CNTN4: variants seen among roughly 807,000 people sequenced by gnomAD.
The protein encoded by CNTN4 is contactin-4.
A neutral mutation model predicts 122.5 loss-of-function variants in CNTN4; 77 were observed. That is an observed-to-expected ratio of 0.63 (90% CI 0.52 to 0.76). The LOEUF is 0.76. CNTN4 is among the 30% of genes least tolerant of loss of function. CNTN4 has a pLI of 0.00. For synonymous variants in CNTN4, 512 were observed against 447.0 expected (o/e 1.15, Z -1.83); for missense variants, 1,256 against 1,259.1 (o/e 1.00, Z 0.04).
chr3:3,001,763 A>T (rs1696070572), intron 14 of CNTN4, among the ~76,000 whole-genome samples: 1 of 152,188 alleles, frequency 6.6e-6, no homozygotes, highest in East Asian at 1.9e-4. Flanking sequence ...GTAGATGCAA[A>T]TTGACCATGA....
intron 7 of CNTN4, among the ~76,000 whole-genome samples, chr3:2,853,370 A>G (rs6807900): frequency 0.019 from 2,921 of 152,096 alleles, 87 homozygotes; most frequent in African/African-American, 0.066. Flanking sequence ...TCAGCCTCCC[A>G]AGTAGCTGAG....
intron 4 of CNTN4, among the ~76,000 whole-genome samples, chr3:2,718,567 A>T (rs2087645522): frequency 6.6e-6 from 1 of 152,186 alleles, no homozygotes; most frequent in Non-Finnish European, 1.5e-5. Context: ...TAATGTTTTT[A>T]TGGCTTCTAA....
intron 2 of CNTN4, among the ~76,000 whole-genome samples, chr3:2,222,113 G>A (rs1340477682): frequency 6.6e-6 from 1 of 152,134 alleles, no homozygotes; most frequent in Non-Finnish European, 1.5e-5. Context: ...GTTTATAACA[G>A]CATGATTCAT....
intron 3 of CNTN4, among the ~76,000 whole-genome samples, chr3:2,425,498 G>T (rs1019227288): frequency 3.3e-5 from 5 of 152,158 alleles, no homozygotes; most frequent in African/African-American, 1.2e-4. Context: ...TTGAAGTCAG[G>T]TAGCGTGATG....
At chr3:2,150,548 C>T (rs564995894) in intron 2 of CNTN4, among the ~76,000 whole-genome samples, 15 of 152,286 alleles carry the variant, frequency 9.8e-5, no homozygotes, top group African/African-American at 3.4e-4. Context: ...AGATCCTCCC[C>T]TGGGGATTCT....
intron 4 of CNTN4, among the ~76,000 whole-genome samples, chr3:2,585,987 TAAAC>T (rs1414089786): frequency 6.6e-6 from 1 of 152,154 alleles, no homozygotes; most frequent in Non-Finnish European, 1.5e-5. Context: ...AATAAATGCT[TAAAC>T]AAGATAATTA....
chr3:2,247,842 A>G (rs1420852858), intron 2 of CNTN4, among the ~76,000 whole-genome samples: 7 of 151,996 alleles, frequency 4.6e-5, no homozygotes, highest in African/African-American at 9.7e-5. Flanking sequence ...AAAGTCATCA[A>G]AGAACTTTCG....
At chr3:2,785,146 TAG>T (rs111372866) in intron 6 of CNTN4, among the ~76,000 whole-genome samples, 5,877 of 150,912 alleles carry the variant, frequency 0.039, 379 homozygotes, top group African/African-American at 0.13. Flanking sequence ...CACATATATA[TAG>T]AGAGAGAGAG....
intron 3 of CNTN4, among the ~76,000 whole-genome samples, chr3:2,490,214 G>A (rs1161503699): frequency 1.3e-5 from 2 of 152,156 alleles, no homozygotes; most frequent in African/African-American, 2.4e-5. Context: ...CCCTTGAAAG[G>A]CACACGCTCA....
At chr3:2,819,448 TA>T (rs2092814311) in intron 6 of CNTN4, 37 bp from the exon 7 acceptor site, 4 of 1,501,442 alleles carry the variant, frequency 2.7e-6, no homozygotes, top group Non-Finnish European at 3.7e-6. Flanking sequence ...CTTAGGACTT[TA>T]AAGTTTAAAT....
chr3:2,813,806 A>T (rs2092668875), intron 6 of CNTN4, among the ~76,000 whole-genome samples: 1 of 152,186 alleles, frequency 6.6e-6, no homozygotes, highest in Non-Finnish European at 1.5e-5. Flanking sequence ...AAAATTTCCC[A>T]GACAAAAAAT....
chr3:2,747,450 C>T (rs1308815879), intron 6 of CNTN4, among the ~76,000 whole-genome samples: 1 of 138,066 alleles, frequency 7.2e-6, no homozygotes, highest in Admixed American at 7.8e-5. Context: ...AAATACTATA[C>T]CCAAACTTCT....
At chr3:2,523,045 T>C (rs975805208) in intron 3 of CNTN4, among the ~76,000 whole-genome samples, 4 of 152,098 alleles carry the variant, frequency 2.6e-5, no homozygotes, top group East Asian at 1.9e-4. Flanking sequence ...GTCTTGTAGA[T>C]AGTTATTTAA....
At chr3:2,305,163 G>C (rs538478584) in intron 2 of CNTN4, among the ~76,000 whole-genome samples, 69 of 152,152 alleles carry the variant, frequency 4.5e-4, no homozygotes, top group Middle Eastern at 6.8e-3. Context: ...TGATCATGTA[G>C]TTCCCACAGT....
chr3:2,736,319 G>A lies in CNTN4; in HGVS notation c.160G>A (p.Gly54Arg), dbSNP rs1316299580. 1 of 1,613,546 alleles carries A rather than the reference G, an allele frequency of 6.2e-7. No individual in the cohort carries two copies. Among genetic ancestry groups the A allele is most frequent in the Non-Finnish European group, 8.5e-7 (1 of 1,179,790 alleles). Residue 54 changes from glycine to arginine, a missense_variant, in exon 5 of 25, where the codon GGA (glycine) becomes AGA (arginine). By Grantham distance (125) the Gly-to-Arg change is moderately radical. Coordinates refer to ENST00000418658, the MANE Select transcript of CNTN4 (RefSeq NM_175607.3). The stretch of plus-strand genomic sequence containing the variant: ...AGTGAAGCTCAATTGTGAAGTTAAA[G>A]GAAATCCAAAACCTCATATCAGGTT... ...KKVKLNCEVK[G>R]NPKPHIRWKL...
intron 4 of CNTN4, among the ~76,000 whole-genome samples, chr3:2,613,182 A>C (rs1460943819): frequency 6.6e-6 from 1 of 151,906 alleles, no homozygotes; most frequent in Non-Finnish European, 1.5e-5. Context: ...ACACGTGGAG[A>C]CTCCCTGTTC....
intron 4 of CNTN4, among the ~76,000 whole-genome samples, chr3:2,609,728 G>A (rs564566159): frequency 6.6e-6 from 1 of 152,196 alleles, no homozygotes; most frequent in South Asian, 2.1e-4. Context: ...CGTCTTTCTA[G>A]GGTAGTTTGG....
intron 2 of CNTN4, chr3:2,262,438 A>C (rs2040869734): frequency 6.6e-6 from 1 of 152,188 alleles, no homozygotes; most frequent in Non-Finnish European, 1.5e-5. Context: ...GAGGTAAGGC[A>C]AACAGTCCAT....
intron 4 of CNTN4, among the ~76,000 whole-genome samples, chr3:2,679,368 G>C (rs1305854792): frequency 6.6e-6 from 1 of 152,014 alleles, no homozygotes; most frequent in Non-Finnish European, 1.5e-5. Context: ...TACTGAATAG[G>C]GCAGAGACTC....
Sources: gnomAD v4.1 joint callset for allele counts (sites outside exome capture counted in the v4.1 genomes callset) on GRCh38, gnomAD v4.1.1 for gene constraint, MANE v1.5 for transcripts, NCBI Gene and HGNC (gene_info 2026-07-23, HGNC 2026-07-21) for gene names.